Variants in ACTR3C observed in about 807,000 individuals in gnomAD.
The protein encoded by ACTR3C is actin-related protein 3C.
In ACTR3C, 18 loss-of-function variants were observed where a neutral mutation model predicts 26.3. The ratio of observed to expected loss-of-function variants is 0.68; its 90% CI spans 0.47 to 1.01. The LOEUF is 1.01. Ranked by LOEUF, ACTR3C falls within the 50% of genes least tolerant of loss-of-function variation. The probability of loss-of-function intolerance (pLI) is 0.00; values close to 1 mark genes in which losing one functional copy is unlikely to be tolerated. For missense variants in ACTR3C, 184 were observed against 250.7 expected (o/e 0.73, Z 1.80); for synonymous variants, 55 against 94.5 (o/e 0.58, Z 2.42).
chr7:150,006,193 TATTTATTTA>T, the ACTR3C span, among the ~76,000 whole-genome samples: 1 of 148,856 alleles, frequency 6.7e-6, no homozygotes, highest in East Asian at 2.0e-4. Context: ...AGAATTTATT[TATTTATTTA>T]TTTATTTATT....
the ACTR3C span, among the ~76,000 whole-genome samples, chr7:150,149,195 T>C: frequency 6.7e-5 from 10 of 150,000 alleles, no homozygotes; most frequent in East Asian, 1.4e-3. Flanking sequence ...TTCTACTTGT[T>C]TGTTCATCTT....
At chr7:150,037,812 A>T in the ACTR3C span, among the ~76,000 whole-genome samples, 1 of 44,300 alleles carries the variant, frequency 2.3e-5, no homozygotes, top group Non-Finnish European at 5.6e-5. Flanking sequence ...GCGGGGGAAG[A>T]GGGACTGGCA....
At chr7:150,211,582 A>G in the ACTR3C span, among the ~76,000 whole-genome samples, 1 of 149,344 alleles carries the variant, frequency 6.7e-6, no homozygotes, top group East Asian at 1.9e-4. Flanking sequence ...TGCCCGGCCC[A>G]TGGTTCTTTC....
At chr7:150,284,141 A>G (rs926218618) in intron 6 of ACTR3C, among the ~76,000 whole-genome samples, 7 of 152,254 alleles carry the variant, frequency 4.6e-5, no homozygotes, top group African/African-American at 1.7e-4. Context: ...CACGGAAAGC[A>G]TGGAGGAGGG....
the ACTR3C span, among the ~76,000 whole-genome samples, chr7:150,198,416 C>T: frequency 1.4e-3 from 201 of 145,736 alleles, 2 homozygotes; most frequent in African/African-American, 4.9e-3. Context: ...TCTTCCCAGC[C>T]GCCATCACAT....
In ACTR3C at chr7:150,293,358, C is replaced by T; in HGVS notation, c.107G>A (p.Gly36Glu). Residue 36 changes from glycine (G) to glutamate (E), a missense_variant, in exon 3 of 8, where the codon GGG (glycine) becomes GAG (glutamate). By Grantham distance (98) the Gly-to-Glu change is moderately conservative. Coordinates refer to ENST00000683684, the MANE Select transcript of ACTR3C (RefSeq NM_001164458.2). ...SRQVGERTLT[G>E]IVIDSGDGVT... ...TCCATCTCCGCTGTCAATGACTATC[C>T]CCGTTAATGTACGTTCACCCACTTG... 6.2e-7 allele frequency: 1 copy of T among 1,607,544 alleles called. No homozygotes were observed. Among genetic ancestry groups the T allele is most frequent in the Non-Finnish European group, 8.5e-7 (1 of 1,176,514 alleles).
chr7:150,068,766 G>A, the ACTR3C span, among the ~76,000 whole-genome samples: 3 of 124,130 alleles, frequency 2.4e-5, no homozygotes, highest in Non-Finnish European at 4.7e-5. Context: ...CTGGGTGACA[G>A]AGCGAGACTC....
At chr7:150,209,790 C>T in the ACTR3C span, among the ~76,000 whole-genome samples, 1 of 150,544 alleles carries the variant, frequency 6.6e-6, no homozygotes, top group Non-Finnish European at 1.5e-5. Context: ...GTGGTGCATG[C>T]CTGTAGTCCC....
chr7:149,884,579 CA>C, the ACTR3C span, among the ~76,000 whole-genome samples: 191 of 149,632 alleles, frequency 1.3e-3, no homozygotes, highest in African/African-American at 4.8e-3. Context: ...TACATGTATG[CA>C]ATTTTTGTCA....
At chr7:150,140,202 C>G in the ACTR3C span, among the ~76,000 whole-genome samples, 5 of 152,340 alleles carry the variant, frequency 3.3e-5, no homozygotes, top group South Asian at 6.2e-4. Flanking sequence ...CTTTCACCTT[C>G]CCTCACATAT....
At chr7:150,204,870 A>G in the ACTR3C span, among the ~76,000 whole-genome samples, 1 of 152,084 alleles carries the variant, frequency 6.6e-6, no homozygotes, top group South Asian at 2.1e-4. Flanking sequence ...AGGAGCGAGG[A>G]ACATGCCAAG....
chr7:150,066,648 T>C, the ACTR3C span, among the ~76,000 whole-genome samples: 1 of 152,214 alleles, frequency 6.6e-6, no homozygotes, highest in African/African-American at 2.4e-5. Context: ...AATAGTGGCA[T>C]TCACATCGTT....
At chr7:150,028,473 A>G in the ACTR3C span, among the ~76,000 whole-genome samples, 1 of 152,306 alleles carries the variant, frequency 6.6e-6, no homozygotes, top group Non-Finnish European at 1.5e-5. Flanking sequence ...AAAGCAGTGA[A>G]TTAAGCCTCT....
At chr7:149,953,587 C>T in the ACTR3C span, among the ~76,000 whole-genome samples, 1 of 152,168 alleles carries the variant, frequency 6.6e-6, no homozygotes, top group Non-Finnish European at 1.5e-5. Flanking sequence ...CCAAGCAGTC[C>T]CCATGTTAGA....
the ACTR3C span, among the ~76,000 whole-genome samples, chr7:149,948,915 G>A: frequency 6.6e-6 from 1 of 151,822 alleles, no homozygotes; most frequent in Non-Finnish European, 1.5e-5. Context: ...TAACTGTGAG[G>A]TTTGGGTTCA....
chr7:150,037,918 G>A, the ACTR3C span, among the ~76,000 whole-genome samples: 12 of 136,434 alleles, frequency 8.8e-5, 1 homozygote, highest in East Asian at 2.1e-4. Context: ...TCCCCGCGTC[G>A]CGAGGGGTGC....
the ACTR3C span, among the ~76,000 whole-genome samples, chr7:150,218,997 T>C: frequency 6.6e-6 from 1 of 152,164 alleles, no homozygotes; most frequent in Non-Finnish European, 1.5e-5. Context: ...AATGACTTGC[T>C]GATTCAAATA....
the ACTR3C span, among the ~76,000 whole-genome samples, chr7:150,051,727 T>TAC: frequency 1.3e-5 from 2 of 149,958 alleles, no homozygotes; most frequent in Admixed American, 6.7e-5. Flanking sequence ...TGTGTGTTTA[T>TAC]TTTCCCTAGA....
At chr7:150,294,512 A>C (rs541853881) in intron 2 of ACTR3C, among the ~76,000 whole-genome samples, 1 of 152,358 alleles carries the variant, frequency 6.6e-6, no homozygotes, top group African/African-American at 2.4e-5. Context: ...GAAGATCTGT[A>C]GTTAAATGAA....
Sources: allele counts gnomAD v4.1 joint callset (sites outside exome capture counted in the v4.1 genomes callset), GRCh38; gene constraint gnomAD v4.1.1; transcripts MANE v1.5; gene names NCBI Gene and HGNC (gene_info 2026-07-23, HGNC 2026-07-21).